The following PCDH11X variants were observed in gnomAD, a reference collection of about 807,000 sequenced individuals.
PCDH11X encodes the protein protocadherin-11 X-linked.
In PCDH11X, 18 loss-of-function variants were observed where a neutral mutation model predicts 53.3. That is an observed-to-expected ratio of 0.34 (90% CI 0.23 to 0.50). The LOEUF is 0.50. Among genes scored for constraint, PCDH11X ranks in the 20% least tolerant of loss-of-function variants. PCDH11X has a pLI of 0.98. For synonymous variants in PCDH11X, 279 were observed against 393.3 expected, an observed-to-expected ratio of 0.71 and a Z score of 3.44; for missense variants, 570 against 1,032.4, an observed-to-expected ratio of 0.55 and a Z score of 6.14.
chrX:92,065,657 T>C (rs1037815308), intron 6 of PCDH11X, among the ~76,000 whole-genome samples: 3 of 111,867 alleles, frequency 2.7e-5, no homozygotes, highest in Non-Finnish European at 3.8e-5. Context: ...TCATGTTTTC[T>C]ATTCAGAAAT....
intron 6 of PCDH11X, among the ~76,000 whole-genome samples, chrX:92,043,099 A>G (rs1383427880): frequency 9.2e-6 from 1 of 108,466 alleles, no homozygotes; most frequent in Non-Finnish European, 1.9e-5. Flanking sequence ...ATACTTGTTC[A>G]TTAATATTTA....
intron 6 of PCDH11X, among the ~76,000 whole-genome samples, chrX:92,067,608 G>GTAGAGATATTGGCCTA (rs2063632436): frequency 9.0e-6 from 1 of 111,219 alleles, no homozygotes; most frequent in African/African-American, 3.3e-5. Flanking sequence ...ATATTGGCCT[G>GTAGAGATATTGGCCTA]TAGTTTCCTT....
intron 6 of PCDH11X, among the ~76,000 whole-genome samples, chrX:91,895,886 G>A (rs899256152): frequency 9.7e-6 from 1 of 103,377 alleles, no homozygotes; most frequent in African/African-American, 3.5e-5. Context: ...CATATGTTAT[G>A]TATTATATAT....
At chrX:92,026,201 T>C (rs1335509494) in intron 6 of PCDH11X, among the ~76,000 whole-genome samples, 4 of 110,214 alleles carry the variant, frequency 3.6e-5, no homozygotes, top group Admixed American at 9.7e-5. Flanking sequence ...ACTTAAAAGT[T>C]AAGAAAAAAT....
rs1922732734 is a variant in PCDH11X at position 92,575,625 on chromosome X, G to T, written c.3368-42639G>T. Among the ~76,000 whole-genome samples, 5 of 107,929 alleles carry T rather than the reference G, an allele frequency of 4.6e-5. No homozygotes were observed. The South Asian group carries it at 2.0e-3, about 43-fold the overall frequency. 93.7% of individuals were successfully genotyped at this position (107,929 alleles called of 115,157 possible). A position where few individuals can be genotyped will look rare whatever the true frequency, so the allele number is the denominator to read the frequency against. ...GTTTGTGTAGACTTATGACTGAAAT[G>T]ACTGATTGTATAACTATAGATTAAA... On this transcript the variant is annotated intron_variant, in intron 10 of 10. Transcript: ENST00000682573.
At chrX:92,227,736 A>G (rs1481681969) in intron 7 of PCDH11X, among the ~76,000 whole-genome samples, 1 of 110,803 alleles carries the variant, frequency 9.0e-6, no homozygotes, top group East Asian at 2.8e-4. Context: ...TTATAATTTC[A>G]TAGATACTAT....
chrX:92,563,815 G>A (rs1921123142), intron 10 of PCDH11X, among the ~76,000 whole-genome samples: 1 of 110,923 alleles, frequency 9.0e-6, no homozygotes, highest in Non-Finnish European at 1.9e-5. Flanking sequence ...GTACAACACT[G>A]TAATGATGGT....
chrX:92,306,104 C>T (rs2755308), intron 8 of PCDH11X, among the ~76,000 whole-genome samples: 3 of 111,183 alleles, frequency 2.7e-5, no homozygotes, highest in East Asian at 5.7e-4. Flanking sequence ...TAGAAATCAA[C>T]GATAGAAGGA....
intron 5 of PCDH11X, among the ~76,000 whole-genome samples, chrX:91,863,809 A>G (rs1938818583): frequency 9.0e-6 from 1 of 111,202 alleles, no homozygotes; most frequent in South Asian, 3.8e-4. Flanking sequence ...TGCAAATACC[A>G]TCTTATAATG....
At chrX:92,263,217 TC>T in intron 8 of PCDH11X, 74 bp downstream of exon 8, 1 of 893,629 alleles carries the variant, frequency 1.1e-6, no homozygotes, top group Non-Finnish European at 1.6e-6. Context: ...CAGTAGTTAG[TC>T]CATGGAGTTA....
At chrX:92,107,570 CT>C (rs1363103893) in intron 6 of PCDH11X, among the ~76,000 whole-genome samples, 2 of 111,985 alleles carry the variant, frequency 1.8e-5, no homozygotes, top group East Asian at 5.7e-4. Flanking sequence ...AACCCCGTCT[CT>C]ACTAAAAATA....
chrX:92,510,144 C>A (rs1202633655), intron 10 of PCDH11X, among the ~76,000 whole-genome samples: 1 of 105,718 alleles, frequency 9.5e-6, no homozygotes, highest in Non-Finnish European at 2.0e-5. Context: ...TCAGAACAAA[C>A]CTGTATCTTG....
chrX:91,975,525 A>G (rs1043019681), intron 6 of PCDH11X, among the ~76,000 whole-genome samples: 61 of 111,283 alleles, frequency 5.5e-4, no homozygotes, highest in Non-Finnish European at 1.1e-3. Flanking sequence ...ATTTAAAGAC[A>G]TGAGACTGGT....
chrX:92,517,029 A>G (rs926280720), intron 10 of PCDH11X, among the ~76,000 whole-genome samples: 1 of 112,266 alleles, frequency 8.9e-6, no homozygotes, highest in Non-Finnish European at 1.9e-5. Flanking sequence ...GTAAGCCTGG[A>G]TTGATTTATG....
chrX:92,060,588 T>C (rs779118711), intron 6 of PCDH11X, among the ~76,000 whole-genome samples: 85 of 109,681 alleles, frequency 7.7e-4, no homozygotes, highest in African/African-American at 2.8e-3. Context: ...TATTTGGTTT[T>C]CTGTTCCTGC....
At chrX:92,142,305 C>T (rs1480731165) in intron 6 of PCDH11X, among the ~76,000 whole-genome samples, 32 of 109,277 alleles carry the variant, frequency 2.9e-4, no homozygotes, top group Middle Eastern at 4.7e-3. Context: ...TACAGGCATG[C>T]GCCACCATAT....
chrX:92,551,303 A>G (rs1456520066), intron 10 of PCDH11X, among the ~76,000 whole-genome samples: 1 of 110,923 alleles, frequency 9.0e-6, no homozygotes, highest in Non-Finnish European at 1.9e-5. Flanking sequence ...AGGATATCTC[A>G]TTGTAGTTTT....
At chrX:91,787,229 T>G (rs1312207512) in intron 1 of PCDH11X, among the ~76,000 whole-genome samples, 2 of 109,080 alleles carry the variant, frequency 1.8e-5, no homozygotes, top group Admixed American at 9.9e-5. Flanking sequence ...AGAACACCTG[T>G]ATTTTTACAT....
At position 92,578,096 on chromosome X, in the gene PCDH11X, C is replaced by A. The variant is rs1331207179; in HGVS notation, c.3368-40168C>A. 3.2e-5 allele frequency among the ~76,000 whole-genome samples: 3 copies of A among 94,842 alleles called. No individual in the cohort carries two copies. In the East Asian group the frequency reaches 8.6e-4, roughly 27 times the overall value. The allele number at this position is 94,842 out of a possible 115,157, so 82.4% of individuals were successfully genotyped here. A position where few individuals can be genotyped will look rare whatever the true frequency, so the allele number is the denominator to read the frequency against. On this transcript the variant is annotated intron_variant, in intron 10 of 10. Coordinates refer to ENST00000682573, the MANE Select transcript of PCDH11X (RefSeq NM_032968.5). ...AGCCCTGAAAATTTTTGTTAATATT[C>A]TGTCTCAAAGATTGATCTAATATTG...
Sources: gnomAD v4.1 joint callset for allele counts (sites outside exome capture counted in the v4.1 genomes callset) on GRCh38, gnomAD v4.1.1 for gene constraint, MANE v1.5 for transcripts, NCBI Gene and HGNC (gene_info 2026-07-23, HGNC 2026-07-21) for gene names.